SYN3: variants seen among roughly 807,000 people sequenced by gnomAD.
The protein encoded by SYN3 is synapsin III.
Under a neutral mutation model 65.8 loss-of-function variants are expected in SYN3, and 35 were observed. The ratio of observed to expected loss-of-function variants is 0.53; its 90% confidence interval spans 0.41 to 0.70. The LOEUF is 0.70. SYN3 is among the 30% of genes least tolerant of loss of function. The pLI is 0.00. For missense variants in SYN3, 680 were observed against 749.0 expected (o/e 0.91, Z 1.08); for synonymous variants, 270 against 292.9 (o/e 0.92, Z 0.80).
chr22:32,981,593 A>ATAG (rs2052376073), intron 2 of SYN3, among the ~76,000 whole-genome samples: 3 of 151,718 alleles, frequency 2.0e-5, no homozygotes, highest in South Asian at 4.2e-4. Context: ...TCAAACAATA[A>ATAG]TAATAATAAT....
intron 3 of SYN3, among the ~76,000 whole-genome samples, chr22:32,961,157 A>G (rs1225142428): frequency 6.6e-6 from 1 of 152,190 alleles, no homozygotes; most frequent in Admixed American, 6.5e-5. Flanking sequence ...GCCTCTGCCC[A>G]CAGGTGTCAG....
intron 2 of SYN3, among the ~76,000 whole-genome samples, chr22:32,997,783 T>C (rs537098759): frequency 6.6e-6 from 1 of 151,976 alleles, no homozygotes; most frequent in East Asian, 1.9e-4. Context: ...CCCCAGCACG[T>C]TGGGAGGCCG....
At chr22:32,823,351 A>G (rs533849060) in intron 6 of SYN3, among the ~76,000 whole-genome samples, 6 of 152,176 alleles carry the variant, frequency 3.9e-5, no homozygotes, top group African/African-American at 1.4e-4. Flanking sequence ...GCCGCAAGGG[A>G]TGTTTCTGTT....
chr22:32,696,527 T>C (rs2060738845), intron 6 of SYN3, among the ~76,000 whole-genome samples: 1 of 152,230 alleles, frequency 6.6e-6, no homozygotes, highest in African/African-American at 2.4e-5. Context: ...GGGAGTACAG[T>C]AAACATCTTT....
intron 6 of SYN3, among the ~76,000 whole-genome samples, chr22:32,751,257 C>T (rs1384518552): frequency 6.6e-6 from 1 of 152,126 alleles, no homozygotes; most frequent in Non-Finnish European, 1.5e-5. Flanking sequence ...GAGCAGTGAC[C>T]TTTAGAGGTC....
intron 1 of SYN3, among the ~76,000 whole-genome samples, chr22:33,016,110 T>C (rs1214749274): frequency 6.6e-6 from 1 of 152,112 alleles, no homozygotes; most frequent in Admixed American, 6.5e-5. Context: ...CCTCCCAAAG[T>C]GCTGGGATTA....
chr22:32,791,742 A>G (rs536863401), intron 6 of SYN3, among the ~76,000 whole-genome samples: 31 of 152,054 alleles, frequency 2.0e-4, no homozygotes, highest in African/African-American at 7.5e-4. Context: ...GGATGTGAAA[A>G]GGGATGGCAA....
intron 6 of SYN3, among the ~76,000 whole-genome samples, chr22:32,808,371 G>A (rs982760314): frequency 9.9e-5 from 15 of 152,198 alleles, no homozygotes; most frequent in Admixed American, 9.2e-4. Context: ...TTGGGTGAGA[G>A]CAGTGGGATG....
At chr22:32,988,634 T>C (rs891811420) in intron 2 of SYN3, among the ~76,000 whole-genome samples, 2 of 151,902 alleles carry the variant, frequency 1.3e-5, no homozygotes, top group East Asian at 1.9e-4. Flanking sequence ...TTCACACAAA[T>C]ATCCCCCTCA....
chr22:32,678,451 C>A (rs941325091), intron 6 of SYN3, among the ~76,000 whole-genome samples: 29 of 152,148 alleles, frequency 1.9e-4, no homozygotes, highest in Non-Finnish European at 1.8e-4. Context: ...CCAGGCAGGA[C>A]AACAAACTCT....
chr22:33,047,518 G>A (rs967377791), intron 1 of SYN3, among the ~76,000 whole-genome samples: 11 of 152,226 alleles, frequency 7.2e-5, no homozygotes, highest in African/African-American at 2.4e-4. Context: ...AATGTGTTAA[G>A]TTCAACATCT....
At chr22:32,735,802 T>C (rs898555253) in intron 6 of SYN3, among the ~76,000 whole-genome samples, 1 of 152,186 alleles carries the variant, frequency 6.6e-6, no homozygotes, top group African/African-American at 2.4e-5. Flanking sequence ...TATCTTGGGC[T>C]CCCACTCATG....
At chr22:32,988,070 AG>A (rs930519862) in intron 2 of SYN3, among the ~76,000 whole-genome samples, 1 of 149,008 alleles carries the variant, frequency 6.7e-6, no homozygotes, top group Non-Finnish European at 1.5e-5. Context: ...ACACTTTGGG[AG>A]GCCGAGGTGG....
At chr22:32,582,780 G>A (rs557358800) in intron 7 of SYN3, among the ~76,000 whole-genome samples, 11 of 152,282 alleles carry the variant, frequency 7.2e-5, no homozygotes, top group East Asian at 1.9e-4. Context: ...GCTCAGGACC[G>A]TCTGACTTCA....
intron 6 of SYN3, among the ~76,000 whole-genome samples, chr22:32,795,618 G>A (rs370192613): frequency 1.3e-5 from 2 of 152,188 alleles, no homozygotes; most frequent in East Asian, 3.9e-4. Flanking sequence ...ATGGGGGTGC[G>A]TGGGGTAGGC....
intron 1 of SYN3, among the ~76,000 whole-genome samples, chr22:33,051,302 T>G (rs1207605701): frequency 6.6e-6 from 1 of 152,180 alleles, no homozygotes; most frequent in Non-Finnish European, 1.5e-5. Context: ...AATTTTCTAT[T>G]TCTGTATATC....
chr22:32,595,719 G>A (rs926926897), intron 7 of SYN3, among the ~76,000 whole-genome samples: 3 of 152,128 alleles, frequency 2.0e-5, no homozygotes, highest in Non-Finnish European at 4.4e-5. Context: ...CATGGGGGCA[G>A]ATTTTCTCCT....
At chr22:32,784,020 T>A (rs1262258896) in intron 6 of SYN3, among the ~76,000 whole-genome samples, 1 of 152,240 alleles carries the variant, frequency 6.6e-6, no homozygotes, top group Non-Finnish European at 1.5e-5. Flanking sequence ...CAAAAGTCCT[T>A]GGAAAGGCAA....
At chr22:32,650,152 G>A (rs1471723824) in intron 6 of SYN3, among the ~76,000 whole-genome samples, 5 of 151,608 alleles carry the variant, frequency 3.3e-5, no homozygotes, top group Non-Finnish European at 7.4e-5. Flanking sequence ...TTATGACAAC[G>A]GCCAGCATTC....
Sources: allele counts gnomAD v4.1 joint callset (sites outside exome capture counted in the v4.1 genomes callset), GRCh38; gene constraint gnomAD v4.1.1; transcripts MANE v1.5; gene names NCBI Gene and HGNC (gene_info 2026-07-23, HGNC 2026-07-21).